Variants in SMG6 observed in about 807,000 individuals in gnomAD.
The protein encoded by SMG6 is telomerase-binding protein EST1A.
Under a neutral mutation model 142.2 loss-of-function variants are expected in SMG6, and 66 were observed. That is an observed-to-expected ratio of 0.46 (90% CI 0.38 to 0.57). SMG6 has a LOEUF of 0.57. Ranked by LOEUF, SMG6 falls within the 20% of genes least tolerant of loss-of-function variation. The pLI is 0.00. For synonymous variants in SMG6, 779 were observed against 702.4 expected, an observed-to-expected ratio of 1.11 and a Z score of -1.72; for missense variants, 1,793 against 1,832.0, an observed-to-expected ratio of 0.98 and a Z score of 0.39.
At chr17:2,227,963 G>A (rs1056564861) in intron 10 of SMG6, among the ~76,000 whole-genome samples, 4 of 152,104 alleles carry the variant, frequency 2.6e-5, no homozygotes, top group East Asian at 1.9e-4. Flanking sequence ...GACAGAACTC[G>A]CAAACATATG....
intron 8 of SMG6, among the ~76,000 whole-genome samples, chr17:2,273,215 A>G (rs2074576448): frequency 6.6e-6 from 1 of 152,150 alleles, no homozygotes; most frequent in Admixed American, 6.5e-5. Context: ...AAACCCACAT[A>G]AAACAAGGTT....
intron 12 of SMG6, among the ~76,000 whole-genome samples, chr17:2,175,862 G>A (rs2071639803): frequency 1.3e-5 from 2 of 152,186 alleles, no homozygotes; most frequent in Non-Finnish European, 2.9e-5. Context: ...CTCTGATTGT[G>A]AGTAGCTGCC....
chr17:2,162,337 C>T (rs2071205656), intron 13 of SMG6, among the ~76,000 whole-genome samples: 1 of 151,598 alleles, frequency 6.6e-6, no homozygotes, highest in Non-Finnish European at 1.5e-5. Context: ...ATGGTGAAAC[C>T]CCGTCTCTAC....
chr17:2,176,226 C>G (rs576465481), intron 12 of SMG6, among the ~76,000 whole-genome samples: 3 of 152,142 alleles, frequency 2.0e-5, no homozygotes, highest in Non-Finnish European at 4.4e-5. Context: ...AAAAGCTTAG[C>G]TTTTTCCTGC....
chr17:2,270,208 T>C (rs1367789945), intron 8 of SMG6, among the ~76,000 whole-genome samples: 6 of 150,426 alleles, frequency 4.0e-5, no homozygotes, highest in African/African-American at 1.5e-4. Context: ...CCAGTAGCAA[T>C]AGGGAAAAAA....
In SMG6 at chr17:2,061,469, G is replaced by T. The variant is rs752984487; in HGVS notation, c.*23C>A. The T allele has an allele frequency of 1.9e-5, 29 of 1,566,850 alleles. No homozygotes were observed. The East Asian group carries it at 6.6e-4, about 35-fold the overall frequency. On this transcript the variant is annotated 3_prime_UTR_variant, in exon 19 of 19. Coordinates refer to ENST00000263073, the MANE Select transcript of SMG6 (RefSeq NM_017575.5). ...GGCCTTTCAGGAACGGTTCCACGGG[G>T]GGGGGGCCCCAGTGTGGCTCCCTCA...
intron 9 of SMG6, chr17:2,240,064 G>A (rs1432335384): frequency 6.6e-6 from 1 of 152,150 alleles, no homozygotes; most frequent in Non-Finnish European, 1.5e-5. Flanking sequence ...GGTCTGTCAG[G>A]AGCCATATGG....
intron 18 of SMG6, chr17:2,061,984 C>T (rs67457628): frequency 0.13 from 23,309 of 178,846 alleles, 2,569 homozygotes; most frequent in East Asian, 0.58. Flanking sequence ...ATCACAACAC[C>T]GCTCTCCCCA....
chr17:2,076,789 C>T (rs535764397), intron 15 of SMG6, among the ~76,000 whole-genome samples: 12 of 152,308 alleles, frequency 7.9e-5, no homozygotes, highest in African/African-American at 1.9e-4. Context: ...GAGGCAGGGC[C>T]GCCAGCTTGG....
chr17:2,090,756 T>G (rs1030760512), intron 13 of SMG6, among the ~76,000 whole-genome samples: 1 of 152,198 alleles, frequency 6.6e-6, no homozygotes, highest in Non-Finnish European at 1.5e-5. Flanking sequence ...CCCCACAAAC[T>G]CAAGTTTACA....
At chr17:2,280,444 T>C (rs931398517) in intron 8 of SMG6, 10 of 226,978 alleles carry the variant, frequency 4.4e-5, no homozygotes, top group African/African-American at 2.3e-4. Flanking sequence ...TTTGCATTTT[T>C]AGTAGAGACA....
chr17:2,061,464 A>AAG lies in SMG6; in HGVS notation c.*27_*28insCT. 1 of 1,240,032 alleles carries AAG rather than the reference A, an allele frequency of 8.1e-7. No homozygotes were observed. The allele number at this position is 1,240,032 out of a possible 1,614,324, so 76.8% of individuals were successfully genotyped here. On this transcript the variant is annotated 3_prime_UTR_variant, in exon 19 of 19. Coordinates refer to ENST00000263073, the MANE Select transcript of SMG6 (RefSeq NM_017575.5). ...CTGGTGGCCTTTCAGGAACGGTTCCACGGGGGGGGGGCCCCAGTGTGGCTC... is the reference window on the plus strand; with the variant it reads ...CTGGTGGCCTTTCAGGAACGGTTCCAAGCGGGGGGGGGGCCCCAGTGTGGCTC...
At chr17:2,102,425 A>C (rs1256773817) in intron 13 of SMG6, among the ~76,000 whole-genome samples, 2 of 151,978 alleles carry the variant, frequency 1.3e-5, no homozygotes, top group African/African-American at 4.8e-5. Flanking sequence ...GGTGTGATCA[A>C]GACTCACTGC....
At chr17:2,258,566 A>C (rs2074244425) in intron 8 of SMG6, among the ~76,000 whole-genome samples, 1 of 151,528 alleles carries the variant, frequency 6.6e-6, no homozygotes, top group Non-Finnish European at 1.5e-5. Flanking sequence ...CAAAAAAAAA[A>C]AAAAAAAGGC....
intron 13 of SMG6, among the ~76,000 whole-genome samples, chr17:2,109,843 G>C (rs927991947): frequency 6.6e-6 from 1 of 152,130 alleles, no homozygotes; most frequent in African/African-American, 2.4e-5. Context: ...TGTAGTCGCA[G>C]CACTTTGGGA....
chr17:2,088,240 A>G (rs1215053466), intron 13 of SMG6: 17 of 985,312 alleles, frequency 1.7e-5, no homozygotes, highest in Non-Finnish European at 1.7e-5. Context: ...GTGGCTAAGA[A>G]AGCATGGTTT....
chr17:2,070,436 G>C (rs979988781), intron 15 of SMG6, among the ~76,000 whole-genome samples: 8 of 152,208 alleles, frequency 5.3e-5, no homozygotes, highest in Non-Finnish European at 1.2e-4. Context: ...TTCTGCCACA[G>C]AGCAACTTGC....
intron 15 of SMG6, among the ~76,000 whole-genome samples, chr17:2,081,365 G>A (rs1416438648): frequency 1.3e-5 from 2 of 152,042 alleles, no homozygotes; most frequent in Non-Finnish European, 2.9e-5. Context: ...CTTGTCCAGA[G>A]GAGTCTTCCA....
Position 2,273,288 on chromosome 17 carries a change from G to C in SMG6, c.2661+9359C>G, listed in dbSNP as rs538830186. Among the ~76,000 whole-genome samples the C allele has an allele frequency of 1.1e-4, 16 of 152,314 alleles. No homozygotes were observed. In the South Asian group the frequency reaches 3.3e-3, roughly 32 times the overall value. ...CCCAGCAATTTGGAAGGCTGAGGTG[G>C]GCGGATCACTTAAGGTCAGGAGTTC... On this transcript the variant is annotated intron_variant, in intron 8 of 18. Transcript: ENST00000263073.
Sources: allele counts gnomAD v4.1 joint callset (sites outside exome capture counted in the v4.1 genomes callset), GRCh38; gene constraint gnomAD v4.1.1; transcripts MANE v1.5; gene names NCBI Gene and HGNC (gene_info 2026-07-23, HGNC 2026-07-21).